The following WNT5B variants were observed in gnomAD, a reference collection of about 807,000 sequenced individuals.
WNT5B encodes the protein Wnt family member 5B, also known as protein Wnt-5b.
In WNT5B, 18 loss-of-function variants were observed where a neutral mutation model predicts 36.5. That is an observed-to-expected ratio of 0.49 (90% CI 0.34 to 0.73). The LOEUF (loss-of-function observed/expected upper bound fraction) is 0.73. Among genes scored for constraint, WNT5B ranks in the 30% least tolerant of loss-of-function variants. The probability of loss-of-function intolerance (pLI) is 0.01; values close to 1 mark genes in which losing one functional copy is unlikely to be tolerated. For synonymous variants in WNT5B, 213 were observed against 212.3 expected (o/e 1.00, Z -0.03); for missense variants, 424 against 508.4 (o/e 0.83, Z 1.60).
rs2154439972 is a variant in WNT5B at position 1,647,041 on chromosome 12, T to C, written c.*789T>C. 1 of 152,390 alleles carries C rather than the reference T, an allele frequency of 6.6e-6. No homozygotes were observed. Among genetic ancestry groups the C allele is most frequent in the East Asian group, 1.9e-4 (1 of 5,180 alleles). 9.4% of individuals were successfully genotyped at this position (152,390 alleles called of 1,614,324 possible). On this transcript the variant is annotated 3_prime_UTR_variant, in exon 5 of 5. Coordinates refer to ENST00000397196, the MANE Select transcript of WNT5B (RefSeq NM_032642.3). ...ACCAGGCTGCGTGGACGTTATACTG[T>C]CTTCCCCCACCCCCGGGGAGGGGAA...
chr12:1,623,565 A>C (rs915870995), intron 1 of WNT5B, among the ~76,000 whole-genome samples: 8 of 152,154 alleles, frequency 5.3e-5, no homozygotes, highest in African/African-American at 1.9e-4. Flanking sequence ...CTCGATCGCT[A>C]TATCTACTGA....
intron 4 of WNT5B, 66 bp from the exon 5 acceptor site, chr12:1,645,728 C>T: frequency 1.3e-6 from 2 of 1,485,602 alleles, no homozygotes; most frequent in Non-Finnish European, 9.0e-7. Flanking sequence ...TGTGGCTACC[C>T]CAGCCACCCT....
intron 3 of WNT5B, 84 bp from the exon 4 acceptor site, chr12:1,639,600 G>GGTCCGTGCA: frequency 1.4e-5 from 19 of 1,399,580 alleles, no homozygotes; most frequent in Non-Finnish European, 1.6e-5. Context: ...CGTGGCGTGC[G>GGTCCGTGCA]GGTCCGTCGG....
At chr12:1,621,149 T>G (rs2094533373) in intron 1 of WNT5B, among the ~76,000 whole-genome samples, 1 of 150,864 alleles carries the variant, frequency 6.6e-6, no homozygotes, top group Non-Finnish European at 1.5e-5. Context: ...ACAATAGGAA[T>G]GTTGAGTAGG....
At position 1,639,791 on chromosome 12, in the gene WNT5B, A is replaced by G. The variant is rs1399029287; in HGVS notation, c.436A>G (p.Thr146Ala). 1 of 1,611,484 alleles carries G rather than the reference A, an allele frequency of 6.2e-7. No homozygotes were observed. Residue 146 changes from threonine (T) to alanine (A), a missense_variant, in exon 4 of 5, where the codon ACG becomes GCG. Coordinates refer to ENST00000397196, the MANE Select transcript of WNT5B (RefSeq NM_032642.3). Reference sequence around the variant, plus strand: ...GCTCTCCACCTGCGGCTGCAGCCGGACGGCGCGGCCCAAGGACCTGCCCCG... The same window carrying G: ...GCTCTCCACCTGCGGCTGCAGCCGGGCGGCGCGGCCCAAGGACCTGCCCCG... ...GELSTCGCSR[T>A]ARPKDLPRDW...
intron 3 of WNT5B, among the ~76,000 whole-genome samples, chr12:1,637,601 C>G (rs1277638942): frequency 7.8e-6 from 1 of 128,458 alleles, no homozygotes; most frequent in Non-Finnish European, 1.6e-5. Context: ...AAAAAAAAAA[C>G]TAGCCAGGCG....
chr12:1,639,389 C>G (rs911639983), intron 3 of WNT5B, among the ~76,000 whole-genome samples: 2 of 152,168 alleles, frequency 1.3e-5, no homozygotes, highest in Non-Finnish European at 2.9e-5. Context: ...CCGCCCGCCC[C>G]GGCCTCCCAA....
rs535741554 is a variant in WNT5B, at chr12:1,619,982, C to T, written c.-58+2839C>T. 7.9e-5 allele frequency among the ~76,000 whole-genome samples: 12 copies of T among 152,176 alleles called. No homozygotes were observed. The East Asian group carries it at 1.7e-3, about 22-fold the overall frequency. On this transcript the variant is annotated intron_variant, in intron 1 of 4. Coordinates refer to the WNT5B transcript ENST00000310594. ...CCCATGAGACCATAATTGTACTTTC[C>T]GCCAAGAAAATATAATATATAAAGA...
chr12:1,639,669 G>GGCCTCATTCT lies in WNT5B; in HGVS notation c.329-12_329-3dup. 1 of 1,523,968 alleles carries GGCCTCATTCT rather than the reference G, an allele frequency of 6.6e-7. No individual in the cohort carries two copies. The highest frequency in any genetic ancestry group is 8.7e-7 in the Non-Finnish European group (1 of 1,145,780). 94.4% of individuals were successfully genotyped at this position (1,523,968 alleles called of 1,614,324 possible). A position where few individuals can be genotyped will look rare whatever the true frequency, so the allele number is the denominator to read the frequency against. ...GGAGAGCGCACCCGCTTACCGCCCT[G>GGCCTCATTCT]GCCTCATTCTGCAGGCAGCCGAGAG... is the stretch of plus-strand genomic sequence containing the variant. On this transcript the variant is annotated splice_polypyrimidine_tract_variant and intron_variant, in intron 3 of 4. Transcript: ENST00000397196.
upstream of WNT5B, chr12:1,629,051 A>ATTTT (rs1286465048): frequency 0.011 from 1,576 of 148,518 alleles, 20 homozygotes; most frequent in Middle Eastern, 0.034. Context: ...CAATTTTTAA[A>ATTTT]AAAAAAAACA....
chr12:1,627,507 C>G (rs993268568), upstream of WNT5B, among the ~76,000 whole-genome samples: 3 of 152,312 alleles, frequency 2.0e-5, no homozygotes, highest in African/African-American at 7.2e-5. This position sits in a 1 kb window ranked among gnomAD's most constrained non-coding sequence, Gnocchi z 5.0. Flanking sequence ...TGCTTGGGGT[C>G]TCAGCTTTAC....
intron 3 of WNT5B, among the ~76,000 whole-genome samples, chr12:1,636,820 ATTC>A (rs1474618587): frequency 1.3e-5 from 2 of 151,786 alleles, no homozygotes; most frequent in Non-Finnish European, 2.9e-5. Context: ...GGGTCAAATG[ATTC>A]TTCTGTCTCA....
intron 1 of WNT5B, among the ~76,000 whole-genome samples, chr12:1,629,677 G>C (rs1194702030): frequency 5.3e-5 from 8 of 151,996 alleles, no homozygotes; most frequent in Non-Finnish European, 1.0e-4. Context: ...CTCCCTACTC[G>C]GGACCTGGTC....
chr12:1,619,408 G>A (rs541697157), intron 1 of WNT5B, among the ~76,000 whole-genome samples: 5 of 152,294 alleles, frequency 3.3e-5, no homozygotes, highest in African/African-American at 1.2e-4. Flanking sequence ...TAGAGACAGA[G>A]ACCCTCGGGA....
upstream of WNT5B, among the ~76,000 whole-genome samples, chr12:1,624,314 G>A (rs1490976748): frequency 1.3e-5 from 2 of 149,198 alleles, no homozygotes; most frequent in Non-Finnish European, 3.0e-5. Flanking sequence ...TGAATCGGGA[G>A]GCGGAGGTTG....
chr12:1,639,582 AGCAGAGCCGT>A, intron 3 of WNT5B, 92 bp from the exon 4 acceptor site: 1 of 1,321,392 alleles, frequency 7.6e-7, no homozygotes, highest in Non-Finnish European at 9.9e-7. Context: ...CAGGGGTGTC[AGCAGAGCCGT>A]GGCGTGCGGG....
intron 1 of WNT5B, among the ~76,000 whole-genome samples, chr12:1,624,095 A>G (rs2094537868): frequency 6.6e-6 from 1 of 152,184 alleles, no homozygotes; most frequent in Non-Finnish European, 1.5e-5. Context: ...TGCAACGAAG[A>G]AAAGAAAGAG....
upstream of WNT5B, among the ~76,000 whole-genome samples, chr12:1,628,152 G>T (rs1375451702): frequency 7.0e-6 from 1 of 142,848 alleles, no homozygotes; most frequent in Non-Finnish European, 1.5e-5. Flanking sequence ...TAGAGACCCT[G>T]ACTCCCACTT....
At chr12:1,623,448 G>A (rs1404097870) in intron 1 of WNT5B, among the ~76,000 whole-genome samples, 2 of 151,994 alleles carry the variant, frequency 1.3e-5, no homozygotes. Flanking sequence ...GCCCGCCTCG[G>A]CCTCCCAAAG....
Sources: allele counts gnomAD v4.1 joint callset (sites outside exome capture counted in the v4.1 genomes callset), GRCh38; gene constraint gnomAD v4.1.1; non-coding constraint Gnocchi (gnomAD v3.1); transcripts MANE v1.5; gene names NCBI Gene and HGNC (gene_info 2026-07-23, HGNC 2026-07-21).